The following ZMYM2 variants were observed in gnomAD, a reference collection of about 807,000 sequenced individuals.
ZMYM2 encodes zinc finger MYM-type containing 2, also known as zinc finger MYM-type protein 2.
Under a neutral mutation model 162.8 loss-of-function variants are expected in ZMYM2, and 56 were observed. The observed-to-expected ratio is 0.34, with a 90% CI of 0.28 to 0.43. The LOEUF (loss-of-function observed/expected upper bound fraction) is 0.43. Ranked by LOEUF, ZMYM2 falls within the 20% of genes least tolerant of loss-of-function variation. The pLI, the probability that ZMYM2 is intolerant of heterozygous loss-of-function variation, is 1.00. For synonymous variants in ZMYM2, 510 were observed against 541.6 expected (o/e 0.94, Z 0.81); for missense variants, 1,275 against 1,621.8 (o/e 0.79, Z 3.67).
chr13:19,985,278 C>G (rs1566218671), intron 2 of ZMYM2, among the ~76,000 whole-genome samples: 1 of 152,138 alleles, frequency 6.6e-6, no homozygotes, highest in Non-Finnish European at 1.5e-5. Context: ...TGTGCACCAC[C>G]ATGCCCAGCT....
At chr13:20,016,263 T>C (rs1951619016) in intron 6 of ZMYM2, among the ~76,000 whole-genome samples, 2 of 152,154 alleles carry the variant, frequency 1.3e-5, no homozygotes, top group Non-Finnish European at 2.9e-5. Flanking sequence ...TTAATCAGCT[T>C]TTAAAAATGC....
the ZMYM2 span, among the ~76,000 whole-genome samples, chr13:19,917,796 T>C: frequency 6.6e-6 from 1 of 152,182 alleles, no homozygotes; most frequent in Non-Finnish European, 1.5e-5. Context: ...ATGTCTTGGC[T>C]CATGCCTGCC....
chr13:19,970,541 C>T lies in ZMYM2; in HGVS notation c.-11+10515C>T, dbSNP rs144694874. Among the ~76,000 whole-genome samples the T allele has an allele frequency of 4.0e-3, 476 of 120,214 alleles. 4 individuals carry two copies. The highest frequency in any genetic ancestry group is 0.015 in the African/African-American group (458 of 31,438). 78.9% of individuals were successfully genotyped at this position (120,214 alleles called of 152,430 possible). On this transcript the variant is annotated intron_variant, in intron 2 of 24. Coordinates refer to ENST00000610343, the MANE Select transcript of ZMYM2 (RefSeq NM_197968.4). ...GGGTGAAGTGATTGTCCTATGCACA[C>T]AAGAAGAGAGAGAGCCAGAATTCAG...
chr13:20,043,002 A>C (rs1267393848), intron 12 of ZMYM2, among the ~76,000 whole-genome samples: 1 of 152,028 alleles, frequency 6.6e-6, no homozygotes, highest in Non-Finnish European at 1.5e-5. Context: ...GGAATTACAG[A>C]CATGGACCAC....
chr13:19,896,375 C>CTCAGG, the ZMYM2 span, among the ~76,000 whole-genome samples: 3 of 150,954 alleles, frequency 2.0e-5, no homozygotes, highest in African/African-American at 7.3e-5. Context: ...AACTCCTGAC[C>CTCAGG]TCAGGTGATC....
chr13:19,994,312 C>T (rs191108362), intron 3 of ZMYM2, among the ~76,000 whole-genome samples: 108 of 152,270 alleles, frequency 7.1e-4, no homozygotes, highest in Admixed American at 1.7e-3. Flanking sequence ...GAGACGCCAT[C>T]TCTAAATTTA....
At chr13:20,078,169 G>A (rs562095894) in intron 21 of ZMYM2, among the ~76,000 whole-genome samples, 17 of 151,816 alleles carry the variant, frequency 1.1e-4, no homozygotes, top group African/African-American at 4.1e-4. Context: ...TTTCTTGGGC[G>A]TAGCATCTGA....
In ZMYM2 at chr13:19,994,062, G is replaced by A. The variant is rs528344243; in HGVS notation, c.847+143G>A. On this transcript the variant is annotated intron_variant, in intron 3 of 24. Coordinates refer to ENST00000610343, the MANE Select transcript of ZMYM2 (RefSeq NM_197968.4). ...TATATTGAATTTTATCTTAAGTTTG[G>A]TATTTTAATAAGAATTGTAAAACCA... The A allele has an allele frequency of 6.8e-6, 7 of 1,034,822 alleles. No homozygotes were observed. In the South Asian group the frequency reaches 1.2e-4, roughly 18 times the overall value. 64.1% of individuals were successfully genotyped at this position (1,034,822 alleles called of 1,614,324 possible). A position where few individuals can be genotyped will look rare whatever the true frequency, so the allele number is the denominator to read the frequency against.
At chr13:19,873,878 C>T in the ZMYM2 span, among the ~76,000 whole-genome samples, 1 of 152,184 alleles carries the variant, frequency 6.6e-6, no homozygotes, top group Non-Finnish European at 1.5e-5. Flanking sequence ...CACACCCAAC[C>T]CCATGCCTGG....
intron 6 of ZMYM2, among the ~76,000 whole-genome samples, chr13:20,010,137 T>C (rs775554653): frequency 2.0e-5 from 3 of 152,180 alleles, no homozygotes; most frequent in Non-Finnish European, 4.4e-5. Flanking sequence ...TGGTATCTCA[T>C]GGTTTTGATT....
chr13:20,008,600 A>G (rs1019172961), intron 6 of ZMYM2, among the ~76,000 whole-genome samples: 5 of 152,268 alleles, frequency 3.3e-5, no homozygotes, highest in African/African-American at 1.2e-4. Flanking sequence ...TTCCTAATCT[A>G]TTGAGCCATC....
At chr13:19,952,839 G>A in the ZMYM2 span, among the ~76,000 whole-genome samples, 1 of 152,132 alleles carries the variant, frequency 6.6e-6, no homozygotes, top group African/African-American at 2.4e-5. Context: ...AAAAAGTGGA[G>A]GGTCACTACT....
chr13:20,052,425 T>C, intron 14 of ZMYM2, 114 bp downstream of exon 14: 3 of 880,288 alleles, frequency 3.4e-6, no homozygotes, highest in Non-Finnish European at 5.1e-6. Flanking sequence ...TTTTTTTGCT[T>C]TACTGAGACG....
chr13:19,884,692 G>C, the ZMYM2 span, among the ~76,000 whole-genome samples: 1 of 152,042 alleles, frequency 6.6e-6, no homozygotes, highest in Admixed American at 6.6e-5. Flanking sequence ...TCCGGACTTC[G>C]TTCCTTGCGG....
At chr13:20,085,773 G>A (rs1260760267) in intron 24 of ZMYM2, 49 bp from the exon 25 acceptor site, 1 of 1,539,200 alleles carries the variant, frequency 6.5e-7, no homozygotes, top group South Asian at 1.3e-5. Flanking sequence ...AAAAAGTTGT[G>A]GAAATTTTGT....
chr13:19,884,329 A>G, the ZMYM2 span, among the ~76,000 whole-genome samples: 1 of 152,092 alleles, frequency 6.6e-6, no homozygotes, highest in Non-Finnish European at 1.5e-5. Flanking sequence ...ATACCCCCGC[A>G]CTTTGAAAGG....
chr13:19,933,891 G>A, the ZMYM2 span, among the ~76,000 whole-genome samples: 2 of 152,330 alleles, frequency 1.3e-5, no homozygotes, highest in African/African-American at 4.8e-5. Context: ...ATCTGGGAGA[G>A]TCAGTGCTTC....
chr13:20,053,911 T>C (rs1291131120), intron 14 of ZMYM2, among the ~76,000 whole-genome samples: 1 of 152,204 alleles, frequency 6.6e-6, no homozygotes, highest in Non-Finnish European at 1.5e-5. Flanking sequence ...ACCAGACACT[T>C]TTATCCATGC....
upstream of ZMYM2, among the ~76,000 whole-genome samples, chr13:19,955,114 A>C (rs1954480092): frequency 2.0e-5 from 3 of 151,588 alleles, no homozygotes; most frequent in Admixed American, 2.0e-4. Flanking sequence ...GCCCGGCCCC[A>C]AGACTACTTG....
Sources: gnomAD v4.1 joint callset for allele counts (sites outside exome capture counted in the v4.1 genomes callset) on GRCh38, gnomAD v4.1.1 for gene constraint, MANE v1.5 for transcripts, NCBI Gene and HGNC (gene_info 2026-07-23, HGNC 2026-07-21) for gene names.